Variants in SETBP1 observed in about 807,000 individuals in gnomAD.
SETBP1 encodes the protein SET-binding protein.
A neutral mutation model predicts 101.0 loss-of-function variants in SETBP1; 9 were observed. The observed-to-expected ratio is 0.09, with a 90% CI of 0.05 to 0.16. The LOEUF (loss-of-function observed/expected upper bound fraction) is 0.16. Ranked by LOEUF, SETBP1 falls within the 10% of genes least tolerant of loss-of-function variation. The pLI, the probability that SETBP1 is intolerant of heterozygous loss-of-function variation, is 1.00. For missense variants in SETBP1, 1,858 were observed against 2,033.8 expected (o/e 0.91, Z 1.66); for synonymous variants, 818 against 788.5 (o/e 1.04, Z -0.63).
intron 2 of SETBP1, among the ~76,000 whole-genome samples, chr18:44,725,174 A>G (rs1442641157): frequency 6.6e-6 from 1 of 152,184 alleles, no homozygotes; most frequent in African/African-American, 2.4e-5. Flanking sequence ...TAAGCAGGTG[A>G]TTGCAACACG....
intron 4 of SETBP1, among the ~76,000 whole-genome samples, chr18:45,022,128 C>G (rs755614017): frequency 8.5e-5 from 13 of 152,134 alleles, no homozygotes; most frequent in Non-Finnish European, 1.3e-4. Flanking sequence ...AGAGAACAAA[C>G]CACCTCTTTT....
chr18:44,766,217 G>A (rs913448880), intron 2 of SETBP1, among the ~76,000 whole-genome samples: 2 of 152,248 alleles, frequency 1.3e-5, no homozygotes, highest in African/African-American at 4.8e-5. Flanking sequence ...ATGGAAAATA[G>A]AGCATGATAC....
At chr18:44,744,297 C>T (rs2070170860) in intron 2 of SETBP1, among the ~76,000 whole-genome samples, 1 of 152,248 alleles carries the variant, frequency 6.6e-6, no homozygotes, top group African/African-American at 2.4e-5. Context: ...TCCCCCCTTC[C>T]CTGCAGGGGC....
At chr18:44,934,349 A>C (rs984907358) in intron 3 of SETBP1, among the ~76,000 whole-genome samples, 6 of 152,044 alleles carry the variant, frequency 3.9e-5, no homozygotes, top group Non-Finnish European at 7.4e-5. Flanking sequence ...GGGTTTTGCC[A>C]TGTTGGCCAG....
At chr18:44,730,202 T>C (rs765579998) in intron 2 of SETBP1, among the ~76,000 whole-genome samples, 2 of 152,118 alleles carry the variant, frequency 1.3e-5, no homozygotes, top group Non-Finnish European at 2.9e-5. Context: ...TACTATGGAG[T>C]ATGAAGAAAA....
At chr18:44,772,303 G>T (rs886121075) in intron 2 of SETBP1, among the ~76,000 whole-genome samples, 1 of 152,170 alleles carries the variant, frequency 6.6e-6, no homozygotes. Context: ...CACATGTGGG[G>T]AGTGTGTAGA....
Position 44,951,905 on chromosome 18 carries a change from T to A in SETBP1, c.2565T>A (p.Pro855=). 6.2e-7 allele frequency: 1 copy of A among 1,613,992 alleles called. No individual in the cohort carries two copies. Among genetic ancestry groups the A allele is most frequent in the Non-Finnish European group, 8.5e-7 (1 of 1,180,006 alleles). ...CCCTAAAGGAAATCACGCTGTCCCCTGTGAGCGAGTCCCACAGTGAGGAGA... is the reference window on the plus strand; with the variant it reads ...CCCTAAAGGAAATCACGCTGTCCCCAGTGAGCGAGTCCCACAGTGAGGAGA... ...IGSLKEITLS[P]VSESHSEETI... Residue 855 remains proline, a synonymous_variant, in exon 4 of 6, where the codon CCT becomes CCA. Transcript: ENST00000649279. The surrounding 1 kb of genome is among the most constrained non-coding windows in gnomAD (Gnocchi z 7.8).
intron 4 of SETBP1, among the ~76,000 whole-genome samples, chr18:44,992,611 G>A (rs2072402657): frequency 6.6e-6 from 1 of 152,052 alleles, no homozygotes; most frequent in Admixed American, 6.5e-5. Context: ...ACATGGCACA[G>A]ACATAGCTTG....
intron 2 of SETBP1, among the ~76,000 whole-genome samples, chr18:44,727,492 G>A (rs953269890): frequency 2.7e-4 from 41 of 152,246 alleles, no homozygotes; most frequent in Non-Finnish European, 4.7e-4. Flanking sequence ...CAGTGTGGGG[G>A]GATGGACAGT....
At chr18:44,929,345 G>C (rs1320586340) in intron 3 of SETBP1, among the ~76,000 whole-genome samples, 2 of 152,166 alleles carry the variant, frequency 1.3e-5, no homozygotes, top group African/African-American at 4.8e-5. Flanking sequence ...TACCCTCGTA[G>C]TATAGTTTGA....
intron 2 of SETBP1, among the ~76,000 whole-genome samples, chr18:44,760,749 A>G (rs1467322336): frequency 1.3e-5 from 2 of 152,192 alleles, no homozygotes; most frequent in African/African-American, 2.4e-5. Flanking sequence ...GGGTATGGAA[A>G]TAGAGGGAGG....
intron 2 of SETBP1, among the ~76,000 whole-genome samples, chr18:44,782,540 C>T (rs2071152880): frequency 6.6e-6 from 1 of 152,134 alleles, no homozygotes; most frequent in African/African-American, 2.4e-5. Context: ...AGTTTCCTGG[C>T]TGTATGGAAA....
At chr18:44,901,484 G>A (rs1277282317) in intron 3 of SETBP1, among the ~76,000 whole-genome samples, 1 of 152,144 alleles carries the variant, frequency 6.6e-6, no homozygotes, top group Non-Finnish European at 1.5e-5. Flanking sequence ...TGGCCACCGA[G>A]GGGCAGCACT....
At chr18:44,717,557 T>C (rs1450724394) in intron 2 of SETBP1, among the ~76,000 whole-genome samples, 1 of 152,238 alleles carries the variant, frequency 6.6e-6, no homozygotes, top group Non-Finnish European at 1.5e-5. Flanking sequence ...CCATGTCTAC[T>C]TTGGGGCCAT....
At chr18:44,755,283 T>G (rs544542651) in intron 2 of SETBP1, among the ~76,000 whole-genome samples, 14 of 152,324 alleles carry the variant, frequency 9.2e-5, no homozygotes, top group African/African-American at 3.4e-4. Context: ...GATGCCCAGA[T>G]GGCTGGTGAA....
intron 2 of SETBP1, among the ~76,000 whole-genome samples, chr18:44,773,793 C>CCT (rs377709717): frequency 0.15 from 19,900 of 133,006 alleles, 1,474 homozygotes; most frequent in East Asian, 0.26. Flanking sequence ...TCTCAACCAG[C>CCT]CTCTCTCTCT....
intron 3 of SETBP1, among the ~76,000 whole-genome samples, chr18:44,926,741 T>C (rs932349735): frequency 8.0e-6 from 1 of 125,562 alleles, no homozygotes; most frequent in Admixed American, 8.8e-5. Context: ...AAGGAACTGA[T>C]TTAAAAACAA....
intron 2 of SETBP1, among the ~76,000 whole-genome samples, chr18:44,855,852 C>G (rs1368945875): frequency 1.3e-5 from 2 of 152,108 alleles, no homozygotes; most frequent in African/African-American, 2.4e-5. Flanking sequence ...GATCCGTGTT[C>G]AAGAAGAAAA....
chr18:44,911,098 T>C (rs138152986), intron 3 of SETBP1, among the ~76,000 whole-genome samples: 64 of 152,306 alleles, frequency 4.2e-4, no homozygotes, highest in African/African-American at 9.4e-4. Flanking sequence ...AAAAAGACCA[T>C]TGGACCTGGC....
Sources: gnomAD v4.1 joint callset for allele counts (sites outside exome capture counted in the v4.1 genomes callset) on GRCh38, gnomAD v4.1.1 for gene constraint, Gnocchi (gnomAD v3.1) non-coding constraint, MANE v1.5 for transcripts, NCBI Gene and HGNC (gene_info 2026-07-23, HGNC 2026-07-21) for gene names.